Variants in PALM observed in about 807,000 individuals in gnomAD.
PALM encodes paralemmin.
PALM carries 18 observed loss-of-function variants against 30.7 expected under a neutral mutation model. That is an observed-to-expected ratio of 0.59 (90% confidence interval 0.41 to 0.87). The LOEUF (loss-of-function observed/expected upper bound fraction) is 0.87, where lower values mean the gene tolerates loss of function less well. PALM is among the 40% of genes least tolerant of loss of function. The pLI, the probability that PALM is intolerant of heterozygous loss-of-function variation, is 0.00. For synonymous variants in PALM, 286 were observed against 242.8 expected, an observed-to-expected ratio of 1.18 and a Z score of -1.66; for missense variants, 529 against 555.4, an observed-to-expected ratio of 0.95 and a Z score of 0.48.
At chr19:713,712 G>A (rs1488779865) in intron 1 of PALM, among the ~76,000 whole-genome samples, 2 of 151,958 alleles carry the variant, frequency 1.3e-5, no homozygotes, top group African/African-American at 4.8e-5. Context: ...CCAAGCCGCT[G>A]GGACTACAGG....
chr19:721,591 TTTTG>T (rs897535111), intron 1 of PALM, among the ~76,000 whole-genome samples: 12 of 150,148 alleles, frequency 8.0e-5, no homozygotes, highest in Admixed American at 6.0e-4. Flanking sequence ...TAAAAAAATT[TTTTG>T]TTTGTTTGTT....
chr19:724,903 C>A (rs113296578), intron 1 of PALM, among the ~76,000 whole-genome samples: 4,789 of 151,726 alleles, frequency 0.032, 153 homozygotes, highest in African/African-American at 0.082. Context: ...AAATTACAGG[C>A]GTGAGCAGCT....
chr19:711,792 A>T (rs1015594736), intron 1 of PALM, among the ~76,000 whole-genome samples: 3 of 152,096 alleles, frequency 2.0e-5, no homozygotes, highest in Non-Finnish European at 4.4e-5. Context: ...GTGGCGGAAC[A>T]TGGGAAGGTG....
At chr19:726,234 G>A in intron 2 of PALM, 45 bp downstream of exon 2, 2 of 1,571,862 alleles carry the variant, frequency 1.3e-6, no homozygotes, top group Non-Finnish European at 1.7e-6. Context: ...GGGTGGGGAA[G>A]TGGGGGGACC....
chr19:716,910 C>T (rs1229007611), intron 1 of PALM, among the ~76,000 whole-genome samples: 3 of 152,010 alleles, frequency 2.0e-5, no homozygotes, highest in South Asian at 2.1e-4. Flanking sequence ...ACAGCTCAGG[C>T]GTTTTTAGTA....
chr19:733,708 G>A (rs78669202), intron 5 of PALM, among the ~76,000 whole-genome samples: 2 of 152,114 alleles, frequency 1.3e-5, no homozygotes, highest in Non-Finnish European at 1.5e-5. Flanking sequence ...ATGAGATGGA[G>A]CGGACGTGGT....
At chr19:740,953 A>G (rs1012959611) in intron 8 of PALM, among the ~76,000 whole-genome samples, 8 of 149,368 alleles carry the variant, frequency 5.4e-5, no homozygotes, top group Non-Finnish European at 1.0e-4. Flanking sequence ...CAGCATAGCA[A>G]GGCTCCGTCT....
At chr19:713,327 G>C (rs1204237462) in intron 1 of PALM, among the ~76,000 whole-genome samples, 1 of 152,144 alleles carries the variant, frequency 6.6e-6, no homozygotes, top group Non-Finnish European at 1.5e-5. Flanking sequence ...TGATTTGGGA[G>C]AGGAGTGTGG....
At chr19:711,137 T>G (rs1488523517) in intron 1 of PALM, 17 of 937,440 alleles carry the variant, frequency 1.8e-5, no homozygotes, top group Non-Finnish European at 2.0e-5. Flanking sequence ...GGTTATTTTT[T>G]GTTAATGTGA....
At chr19:726,284 C>A in intron 2 of PALM, 95 bp downstream of exon 2, 2 of 996,734 alleles carry the variant, frequency 2.0e-6, no homozygotes, top group Non-Finnish European at 1.6e-6. Context: ...GACCTGGAAC[C>A]AGGGCATGGT....
chr19:720,429 G>C (rs2032432197), intron 1 of PALM, among the ~76,000 whole-genome samples: 1 of 146,474 alleles, frequency 6.8e-6, no homozygotes, highest in East Asian at 2.1e-4. Context: ...GGGGGCGCCG[G>C]GTCTGGGGAG....
Position 746,871 on chromosome 19 carries a change from C to G in PALM, c.*57C>G. 8.9e-7 allele frequency: 1 copy of G among 1,118,514 alleles called. No homozygotes were observed. The highest frequency in any genetic ancestry group is 1.2e-6 in the Non-Finnish European group (1 of 800,864). 69.3% of individuals were successfully genotyped at this position (1,118,514 alleles called of 1,614,324 possible). A position where few individuals can be genotyped will look rare whatever the true frequency, so the allele number is the denominator to read the frequency against. On this transcript the variant is annotated 3_prime_UTR_variant, in exon 9 of 9. Coordinates refer to ENST00000338448, the MANE Select transcript of PALM (RefSeq NM_002579.3). The surrounding 1 kb of genome is among the most constrained non-coding windows in gnomAD (Gnocchi z 7.1). ...CACCACAGACACCCACCAGCCCGGC[C>G]CCTCCCGGCGCCTGCCCACCCTCCA...
chr19:729,787 A>T (rs2032813061), intron 4 of PALM, among the ~76,000 whole-genome samples: 1 of 152,058 alleles, frequency 6.6e-6, no homozygotes, highest in Admixed American at 6.6e-5. Context: ...ATTCCAGCAA[A>T]CATTAAGCAC....
intron 1 of PALM, chr19:719,716 G>A (rs1484347900): frequency 1.3e-6 from 1 of 785,774 alleles, no homozygotes; most frequent in African/African-American, 1.9e-5. Flanking sequence ...CCGGGGTCCT[G>A]GTCCCAGCCT....
intron 8 of PALM, 33 bp downstream of exon 8, chr19:740,516 C>T (rs1309973427): frequency 2.6e-6 from 4 of 1,534,870 alleles, no homozygotes; most frequent in South Asian, 1.2e-5. Context: ...CCTCCCTCCA[C>T]CTGGGCCAGA....
chr19:732,279 A>T (rs535581658), intron 5 of PALM, among the ~76,000 whole-genome samples: 2 of 152,298 alleles, frequency 1.3e-5, no homozygotes, highest in African/African-American at 4.8e-5. Flanking sequence ...TCCCCGTGTG[A>T]TGGAAGTAAA....
intron 1 of PALM, among the ~76,000 whole-genome samples, chr19:716,056 A>C (rs1431298926): frequency 6.6e-6 from 1 of 152,066 alleles, no homozygotes; most frequent in Non-Finnish European, 1.5e-5. Context: ...AGAGCCAGTC[A>C]CCAGGACAGA....
In PALM at chr19:746,754, C is replaced by T. The variant is rs1204780893; in HGVS notation, c.1104C>T (p.Thr368=). ...EENQAGPEAT[T]SDPQDLDMKK... is the part of the protein sequence containing the mutation. ...ATCAGGCGGGGCCCGAGGCCACCAC[C>T]AGCGACCCCCAGGACCTCGACATGA... Residue 368 remains threonine (T), a synonymous_variant, in exon 9 of 9, where the codon ACC becomes ACT. Coordinates refer to ENST00000338448, the MANE Select transcript of PALM (RefSeq NM_002579.3). This position sits in a 1 kb window ranked among gnomAD's most constrained non-coding sequence, Gnocchi z 7.1. 6.3e-7 allele frequency: 1 copy of T among 1,595,460 alleles called. No homozygotes were observed. The highest frequency in any genetic ancestry group is 2.3e-5 in the East Asian group (1 of 44,280).
chr19:744,237 A>G (rs987760554), intron 8 of PALM, among the ~76,000 whole-genome samples: 3 of 151,810 alleles, frequency 2.0e-5, no homozygotes, highest in Admixed American at 2.0e-4. Flanking sequence ...CATCTCTACT[A>G]AAAATACAAA....
Sources: gnomAD v4.1 joint callset for allele counts (sites outside exome capture counted in the v4.1 genomes callset) on GRCh38, gnomAD v4.1.1 for gene constraint, Gnocchi (gnomAD v3.1) non-coding constraint, MANE v1.5 for transcripts, NCBI Gene and HGNC (gene_info 2026-07-23, HGNC 2026-07-21) for gene names.